CFAP74: variants seen among roughly 807,000 people sequenced by gnomAD.
CFAP74 encodes cilia- and flagella-associated protein 74.
A neutral mutation model predicts 188.9 loss-of-function variants in CFAP74; 124 were observed. The observed-to-expected ratio is 0.66, with a 90% confidence interval of 0.57 to 0.76. The LOEUF is 0.76. CFAP74 is among the 30% of genes least tolerant of loss of function. The pLI is 0.00. For synonymous variants in CFAP74, 956 were observed against 916.7 expected (o/e 1.04, Z -0.77); for missense variants, 2,198 against 2,165.2 (o/e 1.02, Z -0.30).
chr1:1,972,143 C>G, intron 8 of CFAP74, 61 bp from the exon 9 acceptor site: 2 of 1,261,930 alleles, frequency 1.6e-6, no homozygotes, highest in Non-Finnish European at 2.3e-6. Context: ...TGCAGTGGTG[C>G]GATCACAGCT....
At chr1:1,992,479 T>G (rs1270218833) in intron 1 of CFAP74, among the ~76,000 whole-genome samples, 1 of 134,200 alleles carries the variant, frequency 7.5e-6, no homozygotes, top group African/African-American at 3.1e-5. Context: ...CAAAAACAAT[T>G]TTTTTTTTTT....
intron 2 of CFAP74, 67 bp from the exon 3 acceptor site, chr1:1,989,040 G>T: frequency 1.2e-6 from 1 of 846,814 alleles, no homozygotes. Flanking sequence ...TGAAGTTTTA[G>T]GATAAATCTT....
Position 1,971,975 on chromosome 1 carries a change from C to T in CFAP74, c.888+5G>A, listed in dbSNP as rs1558044203. ...GAGAGGCTGGGTGGGGCTGCGGGGG[C>T]CTACCCGGTTCGCGGAGATGCTGCC... is the stretch of plus-strand genomic sequence containing the variant. On this transcript the variant is annotated splice_donor_5th_base_variant and intron_variant, in intron 9 of 38. Coordinates refer to ENST00000682832, the MANE Select transcript of CFAP74 (RefSeq NM_001304360.2). The T allele has an allele frequency of 1.2e-6, 2 of 1,605,694 alleles. No individual in the cohort carries two copies. The highest frequency in any genetic ancestry group is 1.7e-6 in the Non-Finnish European group (2 of 1,178,176).
At chr1:1,959,235 C>T in intron 15 of CFAP74, 26 bp from the exon 16 acceptor site, 2 of 1,439,566 alleles carry the variant, frequency 1.4e-6, no homozygotes, top group Non-Finnish European at 1.9e-6. Flanking sequence ...ACCCCCACCA[C>T]AATACACTTC....
chr1:1,960,087 C>T (rs771928389), intron 14 of CFAP74, 57 bp from the exon 15 acceptor site: 66 of 1,453,678 alleles, frequency 4.5e-5, no homozygotes, highest in Non-Finnish European at 5.9e-5. Context: ...CAGACGCTCG[C>T]CTCACCACCC....
chr1:1,965,020 T>G lies in CFAP74; in HGVS notation c.1443A>C (p.Thr481=), dbSNP rs751048221. The change falls in exon 13 of 39, where the codon ACA becomes ACC. Residue 481 remains threonine (T), a synonymous_variant. Transcript: ENST00000682832. ...GCTCCAGGATGTCCTTGTCCATCTTTGTCCCGCCCACGGGCTTTCGGTCCA... is the reference window on the plus strand; with the variant it reads ...GCTCCAGGATGTCCTTGTCCATCTTGGTCCCGCCCACGGGCTTTCGGTCCA... The part of the protein sequence containing the change: ...EDVDRKPVGG[T]KMDKDILERT... The G allele has an allele frequency of 6.2e-7, 1 of 1,613,730 alleles. No individual in the cohort carries two copies. The highest frequency in any genetic ancestry group is 8.5e-7 in the Non-Finnish European group (1 of 1,179,912).
chr1:1,957,353 G>C (rs998031976), intron 16 of CFAP74, among the ~76,000 whole-genome samples: 2 of 152,188 alleles, frequency 1.3e-5, no homozygotes, highest in Non-Finnish European at 2.9e-5. Flanking sequence ...CCCACTCTGT[G>C]CTCCTGCTCC....
Position 1,968,914 on chromosome 1 carries a change from C to T in CFAP74, c.1047-81G>A. 1 of 1,355,942 alleles carries T rather than the reference C, an allele frequency of 7.4e-7. No homozygotes were observed. Among genetic ancestry groups the T allele is most frequent in the Non-Finnish European group, 1.0e-6 (1 of 972,278 alleles). 84.0% of individuals were successfully genotyped at this position (1,355,942 alleles called of 1,614,324 possible). ...CCAGATGAGACAGTGCCCGGCGGCC[C>T]CTCCCTAGCGCCCTCCTGGGGGCTC... On this transcript the variant is annotated intron_variant, in intron 10 of 38. Coordinates refer to ENST00000682832, the MANE Select transcript of CFAP74 (RefSeq NM_001304360.2). The surrounding 1 kb of genome is among the most constrained non-coding windows in gnomAD (Gnocchi z 4.3).
In CFAP74 at chr1:1,968,787, G is replaced by C. The variant is rs376185684; in HGVS notation, c.1093C>G (p.Arg365Gly). Reference protein sequence around the residue: ...QKLRKQEIISRILKEEAEEEK... With the variant: ...QKLRKQEIISGILKEEAEEEK... ...TCCTCAGCCTCCTCTTTCAGAATCC[G>C]ACTGATGATCTCCTGCTTTCTGAGC... is the stretch of plus-strand genomic sequence containing the variant. The change falls in exon 11 of 39, where the codon CGG (arginine) becomes GGG (glycine). Residue 365 changes from arginine (R) to glycine (G), a missense_variant. Coordinates refer to ENST00000682832, the MANE Select transcript of CFAP74 (RefSeq NM_001304360.2). This position sits in a 1 kb window ranked among gnomAD's most constrained non-coding sequence, Gnocchi z 4.3. 2.5e-6 allele frequency: 4 copies of C among 1,613,934 alleles called. No homozygotes were observed. Among genetic ancestry groups the C allele is most frequent in the Admixed American group, 3.3e-5 (2 of 59,994 alleles).
chr1:1,977,711 C>T (rs1051494748), intron 6 of CFAP74, among the ~76,000 whole-genome samples: 6 of 152,262 alleles, frequency 3.9e-5, no homozygotes, highest in African/African-American at 7.2e-5. Flanking sequence ...CCACTGCAGG[C>T]GGCTCCCATC....
rs544844463 is a variant in CFAP74, at chr1:1,956,548, C to T, written c.2016+72G>A. ...TGTTGATACCCTCATGTTGTCACCT[C>T]TGTTCACCCACATGGGACTGGATTT... On this transcript the variant is annotated intron_variant, in intron 17 of 38. Transcript: ENST00000682832. 44 of 1,579,580 alleles carry T rather than the reference C, an allele frequency of 2.8e-5. No individual in the cohort carries two copies. The African/African-American group carries it at 3.5e-4, about 13-fold the overall frequency.
Position 1,968,558 on chromosome 1 carries a change from A to T in CFAP74, c.1245+77T>A. ...TGCTGAGGTCCTCAGAGGATGTCTC[A>T]CCACACCTGAGCCCTGAGGCCCCAC... On this transcript the variant is annotated intron_variant, in intron 11 of 38. Transcript: ENST00000682832. This position sits in a 1 kb window ranked among gnomAD's most constrained non-coding sequence, Gnocchi z 4.3. The T allele has an allele frequency of 7.7e-7, 1 of 1,304,422 alleles. No homozygotes were observed. Among genetic ancestry groups the T allele is most frequent in the Non-Finnish European group, 1.1e-6 (1 of 918,990 alleles). The allele number at this position is 1,304,422 out of a possible 1,614,324, so 80.8% of individuals were successfully genotyped here.
intron 24 of CFAP74, 28 bp downstream of exon 24, chr1:1,939,566 T>G (rs945196698): frequency 8.5e-6 from 13 of 1,527,608 alleles, no homozygotes; most frequent in Non-Finnish European, 1.1e-5. Context: ...CTCACCCCTC[T>G]TACCCCAGGC....
rs185084061 is a variant in CFAP74 at position 1,973,653 on chromosome 1, G to T, written c.674+372C>A. On this transcript the variant is annotated intron_variant, in intron 7 of 38. Transcript: ENST00000682832. The surrounding 1 kb of genome is among the most constrained non-coding windows in gnomAD (Gnocchi z 6.2). ...CGCAGGTGGGGGCCGTGGGAGGGGT[G>T]CAAAGGAGCAGCCAGAGGTGGGGAT... is the stretch of plus-strand genomic sequence containing the variant. Among the ~76,000 whole-genome samples the T allele has an allele frequency of 1.2e-3, 183 of 152,214 alleles. No individual in the cohort carries two copies. Among genetic ancestry groups the T allele is most frequent in the African/African-American group, 4.3e-3 (177 of 41,514 alleles).
At position 1,922,319 on chromosome 1, in the gene CFAP74, T is replaced by C; in HGVS notation, c.4888A>G (p.Ile1630Val). ...RGDVKETYKV[I>V]FVAQVLTGP ...CCAGTCAACACCTGGGCTACAAAGA[T>C]GACCTTGTAGGTCTCCTTCACATCC... Residue 1630 changes from isoleucine (I) to valine (V), a missense_variant, in exon 39 of 39, where the codon ATC becomes GTC. Physicochemically the swap from Ile to Val is conservative, Grantham distance 29. Coordinates refer to ENST00000682832, the MANE Select transcript of CFAP74 (RefSeq NM_001304360.2). 1 of 1,606,610 alleles carries C rather than the reference T, an allele frequency of 6.2e-7. No individual in the cohort carries two copies. The highest frequency in any genetic ancestry group is 1.1e-5 in the South Asian group (1 of 90,208).
chr1:2,003,408 T>A (rs778221649), intron 1 of CFAP74, among the ~76,000 whole-genome samples: 4 of 152,140 alleles, frequency 2.6e-5, no homozygotes, highest in Non-Finnish European at 5.9e-5. Context: ...GAGTCTTAAC[T>A]GTTCACCAGA....
At chr1:1,947,269 C>T (rs925349815) in intron 18 of CFAP74, among the ~76,000 whole-genome samples, 3 of 152,236 alleles carry the variant, frequency 2.0e-5, no homozygotes, top group African/African-American at 7.2e-5. Flanking sequence ...GAAGCCCTTT[C>T]CCAAAGACCC....
intron 5 of CFAP74, 137 bp from the exon 6 acceptor site, chr1:1,985,627 G>C: frequency 1.5e-6 from 1 of 683,664 alleles, no homozygotes; most frequent in Non-Finnish European, 2.6e-6. Context: ...CCAATGGAGC[G>C]TGGGGCTGGC....
intron 25 of CFAP74, among the ~76,000 whole-genome samples, chr1:1,932,532 C>A (rs1483221955): frequency 6.6e-6 from 1 of 151,946 alleles, no homozygotes; most frequent in Middle Eastern, 3.4e-3. Flanking sequence ...CCAGCACTCA[C>A]TAAAATTATT....
Sources: allele counts gnomAD v4.1 joint callset (sites outside exome capture counted in the v4.1 genomes callset), GRCh38; gene constraint gnomAD v4.1.1; non-coding constraint Gnocchi (gnomAD v3.1); transcripts MANE v1.5; gene names NCBI Gene and HGNC (gene_info 2026-07-23, HGNC 2026-07-21).